EPB41L1: variants seen among roughly 807,000 people sequenced by gnomAD.
EPB41L1 encodes the protein band 4.1-like protein 1.
A neutral mutation model predicts 97.8 loss-of-function variants in EPB41L1; 29 were observed. The observed-to-expected ratio is 0.30, with a 90% CI of 0.22 to 0.40. The LOEUF (loss-of-function observed/expected upper bound fraction) is 0.40. Among genes scored for constraint, EPB41L1 ranks in the 10% least tolerant of loss-of-function variants. The probability of loss-of-function intolerance (pLI) is 1.00; values close to 1 mark genes in which losing one functional copy is unlikely to be tolerated. For missense variants in EPB41L1, 812 were observed against 1,162.3 expected, an observed-to-expected ratio of 0.70 and a Z score of 4.38; for synonymous variants, 383 against 459.2, an observed-to-expected ratio of 0.83 and a Z score of 2.12.
chr20:36,155,118 G>A, intron 1 of EPB41L1: 1 of 486,004 alleles, frequency 2.1e-6, no homozygotes, highest in Non-Finnish European at 3.9e-6. Flanking sequence ...GGGGGTTGGC[G>A]GGGGGTTGGT....
intron 11 of EPB41L1, among the ~76,000 whole-genome samples, chr20:36,193,177 A>G (rs979652613): frequency 6.6e-6 from 1 of 152,208 alleles, no homozygotes; most frequent in African/African-American, 2.4e-5. Context: ...GGTGAAGCTC[A>G]TCGGAGAGGA....
At chr20:36,094,547 CAT>C (rs2147447209) in intron 1 of EPB41L1, among the ~76,000 whole-genome samples, 1 of 152,288 alleles carries the variant, frequency 6.6e-6, no homozygotes, top group South Asian at 2.1e-4. Context: ...CGTAACGTCA[CAT>C]CCCCCTTTGC....
chr20:36,100,743 T>C (rs1342728333), intron 1 of EPB41L1, among the ~76,000 whole-genome samples: 1 of 152,118 alleles, frequency 6.6e-6, no homozygotes, highest in East Asian at 1.9e-4. Flanking sequence ...TGCGGGAGCA[T>C]TTAGGTGTCC....
At chr20:36,225,977 C>G (rs922718006) in intron 21 of EPB41L1, among the ~76,000 whole-genome samples, 3 of 152,216 alleles carry the variant, frequency 2.0e-5, no homozygotes, top group African/African-American at 7.2e-5. Context: ...TCTCTCTCTT[C>G]TGGGTTGTTC....
chr20:36,155,728 G>A, intron 1 of EPB41L1: 8 of 438,926 alleles, frequency 1.8e-5, no homozygotes, highest in Middle Eastern at 3.3e-4. Flanking sequence ...CATCGTCGTT[G>A]CTTTTCCCTC....
At chr20:36,111,183 C>T (rs1341375132) in intron 1 of EPB41L1, among the ~76,000 whole-genome samples, 1 of 152,208 alleles carries the variant, frequency 6.6e-6, no homozygotes, top group Non-Finnish European at 1.5e-5. Flanking sequence ...CCCTGGGCCA[C>T]ATAAGTAGTA....
chr20:36,189,522 G>A (rs540791190), intron 9 of EPB41L1, among the ~76,000 whole-genome samples: 1 of 152,260 alleles, frequency 6.6e-6, no homozygotes, highest in African/African-American at 2.4e-5. Context: ...CGCATTTGAT[G>A]TTTCCTTTAC....
At chr20:36,205,168 T>C (rs1217124161) in intron 14 of EPB41L1, among the ~76,000 whole-genome samples, 1 of 152,220 alleles carries the variant, frequency 6.6e-6, no homozygotes, top group Admixed American at 6.5e-5. Flanking sequence ...TATGCTTTCT[T>C]CCCAGAAGCC....
At chr20:36,141,430 T>C (rs2059635008) in intron 2 of EPB41L1, among the ~76,000 whole-genome samples, 2 of 152,186 alleles carry the variant, frequency 1.3e-5, no homozygotes, top group South Asian at 2.1e-4. Context: ...GTACTTCCGC[T>C]GTGAGGGCCT....
intron 2 of EPB41L1, among the ~76,000 whole-genome samples, chr20:36,134,905 G>C (rs1284676585): frequency 1.4e-5 from 2 of 145,872 alleles, no homozygotes; most frequent in African/African-American, 5.2e-5. Context: ...TGTTGCCCAG[G>C]CTAGAGTGCA....
rs987556647 is a variant in EPB41L1, at chr20:36,125,286, GT to G, written c.-10+12809del. 3.3e-5 allele frequency: 20 copies of G among 614,092 alleles called. No individual in the cohort carries two copies. The African/African-American group carries it at 3.5e-4, about 11-fold the overall frequency. 38.0% of individuals were successfully genotyped at this position (614,092 alleles called of 1,614,324 possible). On this transcript the variant is annotated intron_variant, in intron 2 of 19. Transcript: ENST00000202028. ...TCTGATTCCACATGGCCATTACATT[GT>G]TTCTGGGGAGTGGAGGATAGGGGTG...
intron 1 of EPB41L1, among the ~76,000 whole-genome samples, chr20:36,164,741 A>G (rs2060667214): frequency 6.6e-6 from 1 of 152,162 alleles, no homozygotes; most frequent in Non-Finnish European, 1.5e-5. Flanking sequence ...GCTGGAGTTC[A>G]GTGGCATGAT....
chr20:36,175,508 T>C, intron 2 of EPB41L1, 43 bp from the exon 3 acceptor site: 1 of 1,613,386 alleles, frequency 6.2e-7, no homozygotes. Flanking sequence ...AGGCCATGGC[T>C]TAAAACTCAC....
intron 1 of EPB41L1, among the ~76,000 whole-genome samples, chr20:36,094,914 G>A (rs1221174068): frequency 6.6e-6 from 1 of 151,084 alleles, no homozygotes; most frequent in African/African-American, 2.4e-5. Flanking sequence ...TGATTCTCCC[G>A]CCTCAGCCTC....
chr20:36,126,560 T>A (rs1318961168), intron 2 of EPB41L1, among the ~76,000 whole-genome samples: 1 of 152,122 alleles, frequency 6.6e-6, no homozygotes. Flanking sequence ...GAGACTGGGT[T>A]TCTCCATGTT....
chr20:36,177,382 C>A (rs1445397503), intron 3 of EPB41L1, among the ~76,000 whole-genome samples: 1 of 152,174 alleles, frequency 6.6e-6, no homozygotes, highest in African/African-American at 2.4e-5. Context: ...ATGGTACTTC[C>A]AGCAGAAGCT....
intron 16 of EPB41L1, among the ~76,000 whole-genome samples, chr20:36,213,152 C>T (rs1397562598): frequency 6.6e-6 from 1 of 152,148 alleles, no homozygotes; most frequent in African/African-American, 2.4e-5. Context: ...AATCCCAGCA[C>T]TTTGTGAGGC....
chr20:36,219,443 G>T (rs1330427600), intron 18 of EPB41L1, among the ~76,000 whole-genome samples: 2 of 152,144 alleles, frequency 1.3e-5, no homozygotes, highest in African/African-American at 4.8e-5. Flanking sequence ...GACAGGATGG[G>T]GCATCAGGAG....
At chr20:36,177,523 C>T (rs2145989732) in intron 3 of EPB41L1, among the ~76,000 whole-genome samples, 1 of 152,316 alleles carries the variant, frequency 6.6e-6, no homozygotes, top group Admixed American at 6.5e-5. Context: ...CCAAGCCCTC[C>T]CCTTCTCCCC....
Sources: gnomAD v4.1 joint callset for allele counts (sites outside exome capture counted in the v4.1 genomes callset) on GRCh38, gnomAD v4.1.1 for gene constraint, MANE v1.5 for transcripts, NCBI Gene and HGNC (gene_info 2026-07-23, HGNC 2026-07-21) for gene names.